SAMD12: variants seen among roughly 807,000 people sequenced by gnomAD.
The protein encoded by SAMD12 is sterile alpha motif domain containing 12.
In SAMD12, 9 loss-of-function variants were observed where a neutral mutation model predicts 15.0. That is an observed-to-expected ratio of 0.60 (90% CI 0.36 to 1.05). The LOEUF is 1.05. Ranked by LOEUF, SAMD12 falls within the 50% of genes least tolerant of loss-of-function variation. The pLI is 0.01. For missense variants in SAMD12, 230 were observed against 234.2 expected, an observed-to-expected ratio of 0.98 and a Z score of 0.12; for synonymous variants, 86 against 90.1, an observed-to-expected ratio of 0.96 and a Z score of 0.25.
intron 3 of SAMD12, among the ~76,000 whole-genome samples, chr8:118,410,430 C>A (rs555287336): frequency 2.6e-5 from 4 of 152,292 alleles, no homozygotes; most frequent in African/African-American, 7.2e-5. Context: ...TGACATTTCT[C>A]TCATCAAGAG....
At chr8:118,204,823 A>C (rs1402160040) in intron 4 of SAMD12, among the ~76,000 whole-genome samples, 12 of 152,208 alleles carry the variant, frequency 7.9e-5, no homozygotes, top group Non-Finnish European at 1.5e-4. Flanking sequence ...ATGACAGAGA[A>C]CTTGGGTTAA....
At chr8:118,301,889 A>G (rs1206376782) in intron 4 of SAMD12, among the ~76,000 whole-genome samples, 1 of 152,088 alleles carries the variant, frequency 6.6e-6, no homozygotes, top group Non-Finnish European at 1.5e-5. Flanking sequence ...GAAACATCTC[A>G]TTTCAAACAG....
intron 4 of SAMD12, among the ~76,000 whole-genome samples, chr8:118,245,544 T>C (rs972982150): frequency 2.0e-5 from 3 of 152,144 alleles, no homozygotes; most frequent in Non-Finnish European, 2.9e-5. Flanking sequence ...AGAGATTAAA[T>C]CATTTGGGCA....
chr8:118,208,012 C>A lies in SAMD12; in HGVS notation c.434-10280G>T, dbSNP rs1325160155. Among the ~76,000 whole-genome samples the A allele has an allele frequency of 3.3e-5, 5 of 151,910 alleles. No homozygotes were observed. In the South Asian group the frequency reaches 1.0e-3, roughly 32 times the overall value. On this transcript the variant is annotated intron_variant, in intron 4 of 4. Transcript: ENST00000409003. The stretch of plus-strand genomic sequence containing the variant: ...GCAAGATAAAAATGTATTAATGACA[C>A]TTCGGGAGGCTGAGGCGGGTGGATC...
intron 2 of SAMD12, among the ~76,000 whole-genome samples, chr8:118,496,424 G>C (rs995259580): frequency 6.6e-6 from 1 of 151,988 alleles, no homozygotes; most frequent in Non-Finnish European, 1.5e-5. Context: ...CTGCATACCT[G>C]CAACCATCTA....
At chr8:118,566,132 C>A (rs772652946) in intron 2 of SAMD12, among the ~76,000 whole-genome samples, 12 of 152,146 alleles carry the variant, frequency 7.9e-5, no homozygotes, top group Non-Finnish European at 1.6e-4. Flanking sequence ...CAGATGAAAC[C>A]ACATGATCTC....
chr8:118,354,558 G>A (rs1288540078), intron 4 of SAMD12, among the ~76,000 whole-genome samples: 3 of 152,130 alleles, frequency 2.0e-5, no homozygotes, highest in Admixed American at 2.0e-4. Flanking sequence ...ATGCTCTTCA[G>A]TATGGTAGCT....
At chr8:118,467,738 T>C (rs1403283853) in intron 2 of SAMD12, among the ~76,000 whole-genome samples, 4 of 152,212 alleles carry the variant, frequency 2.6e-5, no homozygotes, top group Non-Finnish European at 5.9e-5. Flanking sequence ...TGAATCCTGC[T>C]CTGTCAATTA....
chr8:118,352,646 C>A (rs1388778078), intron 4 of SAMD12, among the ~76,000 whole-genome samples: 1 of 152,132 alleles, frequency 6.6e-6, no homozygotes, highest in Non-Finnish European at 1.5e-5. Context: ...AATTAACTAA[C>A]CGTGTTTGAG....
At chr8:118,392,320 A>G (rs1395113512) in intron 3 of SAMD12, among the ~76,000 whole-genome samples, 1 of 152,114 alleles carries the variant, frequency 6.6e-6, no homozygotes, top group Non-Finnish European at 1.5e-5. Context: ...AGTCCCAGCT[A>G]CTCGGGAGGC....
intron 3 of SAMD12, among the ~76,000 whole-genome samples, chr8:118,401,307 G>A (rs149964402): frequency 5.9e-4 from 90 of 152,218 alleles, no homozygotes; most frequent in African/African-American, 2.1e-3. Flanking sequence ...TTCTTTGATT[G>A]TAAAGCAATA....
intron 4 of SAMD12, among the ~76,000 whole-genome samples, chr8:118,207,932 T>TG (rs951148478): frequency 1.3e-5 from 2 of 151,940 alleles, no homozygotes; most frequent in African/African-American, 4.8e-5. Context: ...ATACTCCTTT[T>TG]TTTTTTTGTC....
chr8:118,359,399 G>A (rs1282690133), intron 4 of SAMD12, among the ~76,000 whole-genome samples: 1 of 152,144 alleles, frequency 6.6e-6, no homozygotes, highest in African/African-American at 2.4e-5. Context: ...CCAGTCTGCG[G>A]TAGTTTGCTA....
the SAMD12 span, among the ~76,000 whole-genome samples, chr8:118,177,326 T>C: frequency 3.3e-5 from 5 of 150,902 alleles, no homozygotes; most frequent in Non-Finnish European, 5.9e-5. Flanking sequence ...CTGCAGCCTC[T>C]ACCTCCTGGG....
intron 2 of SAMD12, among the ~76,000 whole-genome samples, chr8:118,468,537 T>C (rs190679538): frequency 1.2e-3 from 182 of 152,304 alleles, no homozygotes; most frequent in Non-Finnish European, 2.0e-3. Context: ...ATTTTTAATA[T>C]GAAAGTTTTC....
intron 4 of SAMD12, among the ~76,000 whole-genome samples, chr8:118,231,209 G>C (rs1387946963): frequency 2.6e-5 from 4 of 152,160 alleles, no homozygotes; most frequent in African/African-American, 7.2e-5. Context: ...TCAACTCTGT[G>C]CTACAGCAGG....
intron 4 of SAMD12, among the ~76,000 whole-genome samples, chr8:118,361,012 C>T (rs930711062): frequency 6.6e-6 from 1 of 152,056 alleles, no homozygotes; most frequent in Non-Finnish European, 1.5e-5. Context: ...TTAATATGAC[C>T]TAAATGTTCT....
intron 4 of SAMD12, among the ~76,000 whole-genome samples, chr8:118,237,470 T>G (rs1340205209): frequency 6.6e-6 from 1 of 152,170 alleles, no homozygotes; most frequent in African/African-American, 2.4e-5. Flanking sequence ...AATAGCTATG[T>G]GTTGTCAAAC....
At chr8:118,325,941 C>T (rs1020301780) in intron 4 of SAMD12, among the ~76,000 whole-genome samples, 10 of 152,280 alleles carry the variant, frequency 6.6e-5, no homozygotes, top group South Asian at 6.2e-4. Flanking sequence ...CCCAGCAGGG[C>T]GGCTTACTTT....
Sources: allele counts gnomAD v4.1 joint callset (sites outside exome capture counted in the v4.1 genomes callset), GRCh38; gene constraint gnomAD v4.1.1; transcripts MANE v1.5; gene names NCBI Gene and HGNC (gene_info 2026-07-23, HGNC 2026-07-21).